Variants in UBAC2 observed in about 807,000 individuals in gnomAD.
The protein encoded by UBAC2 is UBA domain containing 2.
Under a neutral mutation model 44.0 loss-of-function variants are expected in UBAC2, and 26 were observed. The ratio of observed to expected loss-of-function variants is 0.59; its 90% CI spans 0.43 to 0.82. The LOEUF is 0.82. UBAC2 is among the 40% of genes least tolerant of loss of function. The pLI is 0.00. For synonymous variants in UBAC2, 155 were observed against 154.3 expected (o/e 1.00, Z -0.04); for missense variants, 329 against 419.4 (o/e 0.78, Z 1.88).
At chr13:99,320,940 C>T (rs1772865360) in intron 6 of UBAC2, among the ~76,000 whole-genome samples, 1 of 151,996 alleles carries the variant, frequency 6.6e-6, no homozygotes, top group Non-Finnish European at 1.5e-5. Context: ...GATATTTATG[C>T]TAAATAAAAT....
At chr13:99,212,185 C>T (rs890839716) in intron 1 of UBAC2, among the ~76,000 whole-genome samples, 4 of 152,114 alleles carry the variant, frequency 2.6e-5, no homozygotes, top group African/African-American at 9.7e-5. Context: ...TTACATCAAG[C>T]AATTTTAAAA....
intron 3 of UBAC2, 144 bp from the exon 4 acceptor site, chr13:99,244,371 A>ATATATACACACATATGTATGTGTG (rs1566464830): frequency 8.3e-5 from 41 of 496,440 alleles, no homozygotes; most frequent in Non-Finnish European, 1.2e-4. Flanking sequence ...AATTTCAAAT[A>ATATATACACACATATGTATGTGTG]TATATACACA....
intron 1 of UBAC2, among the ~76,000 whole-genome samples, chr13:99,232,670 C>T: frequency 6.6e-6 from 1 of 152,154 alleles, no homozygotes; most frequent in Non-Finnish European, 1.5e-5. Context: ...AGCTGTAATC[C>T]CAGCACTTTG....
At chr13:99,313,988 A>G (rs1351348498) in intron 4 of UBAC2, 109 bp from the exon 5 acceptor site, 1 of 1,071,198 alleles carries the variant, frequency 9.3e-7, no homozygotes, top group Non-Finnish European at 1.3e-6. Context: ...ATCTAAGACC[A>G]TGCTTTCAGA....
chr13:99,289,008 A>G (rs2044056045), intron 4 of UBAC2, among the ~76,000 whole-genome samples: 1 of 152,230 alleles, frequency 6.6e-6, no homozygotes, highest in South Asian at 2.1e-4. Context: ...ACATGAAATA[A>G]TAGACCATAG....
chr13:99,286,909 C>T (rs960822075), intron 4 of UBAC2, among the ~76,000 whole-genome samples: 5 of 152,162 alleles, frequency 3.3e-5, no homozygotes, highest in African/African-American at 1.2e-4. Flanking sequence ...AGACTGGTAA[C>T]TGTGTCTCAG....
chr13:99,261,924 C>G (rs148985243), intron 4 of UBAC2, among the ~76,000 whole-genome samples: 1 of 152,334 alleles, frequency 6.6e-6, no homozygotes, highest in African/African-American at 2.4e-5. Flanking sequence ...CAGTTACCTT[C>G]AGTTACCTTC....
intron 1 of UBAC2, among the ~76,000 whole-genome samples, chr13:99,235,799 A>C (rs2043225986): frequency 6.6e-6 from 1 of 151,940 alleles, no homozygotes; most frequent in South Asian, 2.1e-4. Context: ...ACATGGCAAG[A>C]CTATTTCTCC....
intron 8 of UBAC2, among the ~76,000 whole-genome samples, chr13:99,383,070 G>A (rs186503918): frequency 1.3e-5 from 2 of 152,386 alleles, no homozygotes; most frequent in East Asian, 3.9e-4. Context: ...GAACACCAGG[G>A]TGGCAGCATT....
Position 99,295,624 on chromosome 13 carries a change from C to T in UBAC2, c.390-18473C>T, listed in dbSNP as rs1282933437. ...CCATGCATGTAATCCTTTCAGCCTC[C>T]TGCTTTGACATAGGGTTGATGAGGA... On this transcript the variant is annotated intron_variant, in intron 4 of 8. Coordinates refer to ENST00000403766, the MANE Select transcript of UBAC2 (RefSeq NM_001144072.2). The surrounding 1 kb of genome is among the most constrained non-coding windows in gnomAD (Gnocchi z 4.1). 6.2e-7 allele frequency: 1 copy of T among 1,614,138 alleles called. No individual in the cohort carries two copies. The highest frequency in any genetic ancestry group is 8.5e-7 in the Non-Finnish European group (1 of 1,180,018).
intron 4 of UBAC2, chr13:99,296,031 T>A: frequency 6.2e-7 from 1 of 1,614,162 alleles, no homozygotes; most frequent in Non-Finnish European, 8.5e-7. Flanking sequence ...AAGACGAGGC[T>A]GTAATGCAGA....
At chr13:99,337,365 G>T (rs2044804257) in intron 6 of UBAC2, among the ~76,000 whole-genome samples, 1 of 151,184 alleles carries the variant, frequency 6.6e-6, no homozygotes, top group African/African-American at 2.4e-5. Flanking sequence ...TTCTGTCAAG[G>T]CCTTATATAT....
At chr13:99,327,897 A>G (rs1374964858) in intron 6 of UBAC2, among the ~76,000 whole-genome samples, 4 of 152,162 alleles carry the variant, frequency 2.6e-5, no homozygotes, top group African/African-American at 7.2e-5. Flanking sequence ...TTTTAAGTGT[A>G]TAGTTCGTTG....
At chr13:99,324,114 G>T (rs2094367887) in intron 6 of UBAC2, among the ~76,000 whole-genome samples, 1 of 152,076 alleles carries the variant, frequency 6.6e-6, no homozygotes, top group African/African-American at 2.4e-5. Context: ...CTGTATGATT[G>T]TGCAAACAAG....
chr13:99,324,394 C>G (rs1358275327), intron 6 of UBAC2, among the ~76,000 whole-genome samples: 3 of 150,980 alleles, frequency 2.0e-5, no homozygotes, highest in East Asian at 1.9e-4. Flanking sequence ...CACCATTGCT[C>G]TGTCCCCTTT....
At chr13:99,239,542 G>C (rs1397712574) in intron 2 of UBAC2, among the ~76,000 whole-genome samples, 1 of 152,248 alleles carries the variant, frequency 6.6e-6, no homozygotes, top group Non-Finnish European at 1.5e-5. Context: ...GGGGATTCTA[G>C]TGTATGGCTG....
At chr13:99,268,485 G>A (rs190361385) in intron 4 of UBAC2, among the ~76,000 whole-genome samples, 11 of 152,004 alleles carry the variant, frequency 7.2e-5, no homozygotes, top group South Asian at 6.2e-4. Context: ...GCATGTGCCT[G>A]TAGTCTCAGC....
intron 1 of UBAC2, chr13:99,201,249 C>G: frequency 7.0e-7 from 1 of 1,433,708 alleles, no homozygotes; most frequent in Non-Finnish European, 9.1e-7. Context: ...TTCTCGTGGG[C>G]CGGCCCCAGG....
intron 4 of UBAC2, among the ~76,000 whole-genome samples, chr13:99,282,563 G>A (rs867917455): frequency 3.9e-5 from 6 of 152,016 alleles, no homozygotes; most frequent in Non-Finnish European, 5.9e-5. Context: ...AATATGTTTT[G>A]TTCAAAAAGA....
Sources: allele counts gnomAD v4.1 joint callset (sites outside exome capture counted in the v4.1 genomes callset), GRCh38; gene constraint gnomAD v4.1.1; non-coding constraint Gnocchi (gnomAD v3.1); transcripts MANE v1.5; gene names NCBI Gene and HGNC (gene_info 2026-07-23, HGNC 2026-07-21).